Variants in PRKCH observed in about 807,000 individuals in gnomAD.
The protein encoded by PRKCH is protein kinase C eta.
Under a neutral mutation model 82.5 loss-of-function variants are expected in PRKCH, and 28 were observed. The observed-to-expected ratio is 0.34, with a 90% CI of 0.25 to 0.47. The LOEUF (loss-of-function observed/expected upper bound fraction) is 0.47. Ranked by LOEUF, PRKCH falls within the 20% of genes least tolerant of loss-of-function variation. PRKCH has a pLI of 1.00. For missense variants in PRKCH, 705 were observed against 881.8 expected (o/e 0.80, Z 2.54); for synonymous variants, 322 against 327.4 (o/e 0.98, Z 0.18).
At chr14:61,214,117 G>C (rs972668761) in intron 1 of PRKCH, among the ~76,000 whole-genome samples, 3 of 152,204 alleles carry the variant, frequency 2.0e-5, no homozygotes, top group South Asian at 2.1e-4. Flanking sequence ...ACTGTGGGGG[G>C]TGTACTGAGA....
At chr14:61,247,671 G>T (rs562807065) in intron 1 of PRKCH, among the ~76,000 whole-genome samples, 1 of 134,758 alleles carries the variant, frequency 7.4e-6, no homozygotes, top group African/African-American at 2.6e-5. Flanking sequence ...TGGAGGCGGA[G>T]GTTACAGTGA....
chr14:61,262,450 T>A (rs1009514128), intron 1 of PRKCH, among the ~76,000 whole-genome samples: 1 of 152,138 alleles, frequency 6.6e-6, no homozygotes, highest in Non-Finnish European at 1.5e-5. Context: ...ACAAGCAGTA[T>A]GATTCATTTA....
At chr14:61,487,740 C>T (rs1886286182) in intron 10 of PRKCH, among the ~76,000 whole-genome samples, 1 of 152,028 alleles carries the variant, frequency 6.6e-6, no homozygotes, top group Non-Finnish European at 1.5e-5. Flanking sequence ...CACCTCTAAT[C>T]CCAGCACCTC....
At chr14:61,298,331 T>A (rs929600665) in intron 1 of PRKCH, 1 of 152,220 alleles carries the variant, frequency 6.6e-6, no homozygotes, top group Non-Finnish European at 1.5e-5. Flanking sequence ...TAGTGCTCAC[T>A]ATGCCCAACT....
chr14:61,349,878 G>A (rs1048936995), intron 1 of PRKCH, among the ~76,000 whole-genome samples: 20 of 151,758 alleles, frequency 1.3e-4, no homozygotes, highest in Admixed American at 2.6e-4. Flanking sequence ...AAAAAAAAAA[G>A]AAATGCTGGT....
intron 1 of PRKCH, among the ~76,000 whole-genome samples, chr14:61,235,859 A>T (rs1366633420): frequency 6.6e-6 from 1 of 152,212 alleles, no homozygotes; most frequent in Non-Finnish European, 1.5e-5. Context: ...AAAGAAAGTG[A>T]CATACAGCAA....
intron 10 of PRKCH, among the ~76,000 whole-genome samples, chr14:61,528,393 C>T (rs2042998233): frequency 6.6e-6 from 1 of 152,108 alleles, no homozygotes; most frequent in Non-Finnish European, 1.5e-5. Flanking sequence ...GGATGTTGCC[C>T]ATGTTGTCCA....
intron 1 of PRKCH, among the ~76,000 whole-genome samples, chr14:61,332,635 C>A (rs1286106640): frequency 1.3e-5 from 2 of 152,168 alleles, no homozygotes; most frequent in African/African-American, 4.8e-5. Context: ...CAACATGATC[C>A]CTGTCATAAT....
intron 1 of PRKCH, among the ~76,000 whole-genome samples, chr14:61,282,679 A>G (rs1053594834): frequency 3.9e-5 from 6 of 152,212 alleles, no homozygotes; most frequent in Admixed American, 3.3e-4. Flanking sequence ...ATCAAGTATC[A>G]AATTGCATTC....
intron 1 of PRKCH, among the ~76,000 whole-genome samples, chr14:61,336,896 CTG>C (rs2045864271): frequency 6.6e-6 from 1 of 151,890 alleles, no homozygotes; most frequent in Non-Finnish European, 1.5e-5. Context: ...TGGTGAAACT[CTG>C]TCTCTACTAA....
chr14:61,284,437 G>A (rs2045297206), intron 1 of PRKCH, among the ~76,000 whole-genome samples: 1 of 152,178 alleles, frequency 6.6e-6, no homozygotes, highest in African/African-American at 2.4e-5. Flanking sequence ...ATGTTAATTG[G>A]CAGGTGCCGT....
At chr14:61,407,190 A>G (rs903556175) in intron 2 of PRKCH, among the ~76,000 whole-genome samples, 1 of 152,198 alleles carries the variant, frequency 6.6e-6, no homozygotes, top group Non-Finnish European at 1.5e-5. Context: ...TGCTCTGACC[A>G]TTTAGTTTAT....
At chr14:61,450,768 G>T in intron 5 of PRKCH, 74 bp from the exon 6 acceptor site, 1 of 1,532,816 alleles carries the variant, frequency 6.5e-7, no homozygotes, top group Non-Finnish European at 8.8e-7. Context: ...CATTTGATGG[G>T]CTCCTATTAC....
chr14:61,434,202 TATATAAA>T (rs1307623804), intron 2 of PRKCH, among the ~76,000 whole-genome samples: 6 of 152,182 alleles, frequency 3.9e-5, no homozygotes, highest in African/African-American at 1.2e-4. Flanking sequence ...CATTTTCAAG[TATATAAA>T]ACCAGGATAC....
intron 1 of PRKCH, among the ~76,000 whole-genome samples, chr14:61,370,376 T>C (rs1050915576): frequency 3.3e-5 from 5 of 152,128 alleles, no homozygotes; most frequent in African/African-American, 1.2e-4. Context: ...CCAACTTTAC[T>C]GGAGTCACCT....
intron 1 of PRKCH, among the ~76,000 whole-genome samples, chr14:61,274,370 A>AG (rs1259520974): frequency 6.6e-6 from 1 of 152,204 alleles, no homozygotes; most frequent in African/African-American, 2.4e-5. Context: ...TTTCTCCTGT[A>AG]GGCTGTGGGT....
At position 61,530,457 on chromosome 14, in the gene PRKCH, C is replaced by A. The variant is rs750561562; in HGVS notation, c.1623C>A (p.Gly541=). ...YGPAVDWWAM[G]VLLYEMLCGH... is the part of the protein sequence containing the mutation. ...CTGCAGTAGACTGGTGGGCAATGGG[C>A]GTGTTGCTCTATGAGATGCTCTGTG... The change falls in exon 12 of 14, where the codon GGC becomes GGA. Residue 541 remains glycine (G), a synonymous_variant. Transcript: ENST00000332981. The A allele has an allele frequency of 5.6e-6, 9 of 1,609,930 alleles. No individual in the cohort carries two copies. Among genetic ancestry groups the A allele is most frequent in the Non-Finnish European group, 7.6e-6 (9 of 1,178,054 alleles).
At chr14:61,205,692 G>A (rs886130448) in intron 1 of PRKCH, among the ~76,000 whole-genome samples, 3 of 152,098 alleles carry the variant, frequency 2.0e-5, no homozygotes, top group Admixed American at 6.5e-5. Flanking sequence ...AACTGGTTCG[G>A]CCCTTGCACA....
chr14:61,366,438 G>A (rs935668702), intron 1 of PRKCH, among the ~76,000 whole-genome samples: 5 of 152,020 alleles, frequency 3.3e-5, no homozygotes, highest in African/African-American at 9.7e-5. Context: ...TGATTGATAA[G>A]GAAGTAAAAC....
Sources: gnomAD v4.1 joint callset for allele counts (sites outside exome capture counted in the v4.1 genomes callset) on GRCh38, gnomAD v4.1.1 for gene constraint, MANE v1.5 for transcripts, NCBI Gene and HGNC (gene_info 2026-07-23, HGNC 2026-07-21) for gene names.